CNDP1: variants seen among roughly 807,000 people sequenced by gnomAD.
The protein encoded by CNDP1 is beta-Ala-His dipeptidase.
CNDP1 carries 44 observed loss-of-function variants against 58.1 expected under a neutral mutation model. The ratio of observed to expected loss-of-function variants is 0.76; its 90% CI spans 0.60 to 0.97. The LOEUF is 0.97. CNDP1 is among the 50% of genes least tolerant of loss of function. The pLI is 0.00. For missense variants in CNDP1, 616 were observed against 655.1 expected (o/e 0.94, Z 0.65); for synonymous variants, 254 against 252.6 (o/e 1.01, Z -0.05).
rs1424605176 is a variant in CNDP1, at chr18:74,559,482, G to C, written c.303+10G>C. On this transcript the variant is annotated intron_variant, in intron 3 of 11. Coordinates refer to ENST00000358821, the MANE Select transcript of CNDP1 (RefSeq NM_032649.6). ...CATGGGTCCTCAGCAGGTGCTGTACGATTCCCTCCCACTGAGGGAGGTGCT... is the reference window on the plus strand; with the variant it reads ...CATGGGTCCTCAGCAGGTGCTGTACCATTCCCTCCCACTGAGGGAGGTGCT... The C allele has an allele frequency of 3.1e-6, 5 of 1,595,558 alleles. No individual in the cohort carries two copies. In the South Asian group the frequency reaches 3.3e-5, roughly 11 times the overall value.
intron 1 of CNDP1, among the ~76,000 whole-genome samples, chr18:74,548,073 C>T (rs1439762263): frequency 2.0e-5 from 3 of 152,198 alleles, no homozygotes; most frequent in Admixed American, 1.3e-4. Context: ...ATCCCTAACC[C>T]CAGCCCCCGC....
At chr18:74,569,055 A>G (rs1242554391) in intron 6 of CNDP1, among the ~76,000 whole-genome samples, 1 of 152,160 alleles carries the variant, frequency 6.6e-6, no homozygotes, top group Non-Finnish European at 1.5e-5. Flanking sequence ...GGGTCAAGGG[A>G]CTGACGTCTT....
At chr18:74,568,596 C>T (rs753995087) in intron 6 of CNDP1, among the ~76,000 whole-genome samples, 39 of 152,012 alleles carry the variant, frequency 2.6e-4, no homozygotes, top group African/African-American at 3.4e-4. Flanking sequence ...TGGGAGGGGG[C>T]GAGCTCCAGA....
chr18:74,556,535 C>T, intron 2 of CNDP1, 69 bp downstream of exon 2: 1 of 1,576,746 alleles, frequency 6.3e-7, no homozygotes, highest in Non-Finnish European at 8.7e-7. Flanking sequence ...TTGGGTGAGA[C>T]AATTATTTGC....
At chr18:74,536,141 T>C (rs891112733) in intron 1 of CNDP1, among the ~76,000 whole-genome samples, 7 of 152,230 alleles carry the variant, frequency 4.6e-5, no homozygotes, top group Non-Finnish European at 8.8e-5. Context: ...TCTTTTACTT[T>C]TTTTTAACTT....
rs4891564 is a variant in CNDP1 at position 74,584,850 on chromosome 18, A to C, written c.*288A>C. 350,949 of 352,898 alleles carry C rather than the reference A, an allele frequency of 0.99. 174,538 individuals carry two copies. Among genetic ancestry groups the C allele is most frequent in the East Asian group, 1 (22,352 of 22,352 alleles). The allele number at this position is 352,898 out of a possible 1,614,324, so 21.9% of individuals were successfully genotyped here. A position where few individuals can be genotyped will look rare whatever the true frequency, so the allele number is the denominator to read the frequency against. On this transcript the variant is annotated 3_prime_UTR_variant, in exon 12 of 12. Coordinates refer to ENST00000358821, the MANE Select transcript of CNDP1 (RefSeq NM_032649.6). ...AATAGCCCCAGGATTGGATTCCTTCAAACCTTTTAGCATATCTCCAACCTT... is the reference window on the plus strand; with the variant it reads ...AATAGCCCCAGGATTGGATTCCTTCCAACCTTTTAGCATATCTCCAACCTT...
chr18:74,566,998 A>G (rs1050982049), intron 5 of CNDP1, among the ~76,000 whole-genome samples: 1 of 152,224 alleles, frequency 6.6e-6, no homozygotes, highest in African/African-American at 2.4e-5. Context: ...GGTGGCAGCA[A>G]GAGAAAATGC....
At chr18:74,564,725 T>A (rs1469307176) in intron 5 of CNDP1, among the ~76,000 whole-genome samples, 19 of 152,218 alleles carry the variant, frequency 1.2e-4, no homozygotes, top group Admixed American at 1.2e-3. Context: ...CAATTCTTGA[T>A]CATAGCATTA....
chr18:74,546,382 G>A lies in CNDP1; in HGVS notation c.25-9956G>A, dbSNP rs1980760876. Among the ~76,000 whole-genome samples the A allele has an allele frequency of 2.0e-5, 3 of 152,214 alleles. No homozygotes were observed. In the South Asian group the frequency reaches 6.2e-4, roughly 31 times the overall value. On this transcript the variant is annotated intron_variant, in intron 1 of 11. Transcript: ENST00000358821. Reference sequence around the variant, plus strand: ...CTACCCACGAGGACCCCAGACACAGGTGGGAGCACCGAGGGCCCACCCTAG... The same window carrying A: ...CTACCCACGAGGACCCCAGACACAGATGGGAGCACCGAGGGCCCACCCTAG...
intron 7 of CNDP1, among the ~76,000 whole-genome samples, chr18:74,575,107 GGAAA>G (rs1179592719): frequency 2.8e-5 from 4 of 142,410 alleles, no homozygotes; most frequent in South Asian, 2.2e-4. Flanking sequence ...GAAAAAAGAA[GGAAA>G]GAAAGGAAGG....
intron 8 of CNDP1, 196 bp from the exon 9 acceptor site, chr18:74,577,967 T>A: frequency 2.0e-6 from 1 of 505,836 alleles, no homozygotes; most frequent in South Asian, 3.1e-5. Context: ...TTGGTAGTGA[T>A]GGGTAGTGAA....
intron 1 of CNDP1, among the ~76,000 whole-genome samples, chr18:74,542,639 C>T (rs1411692210): frequency 6.6e-6 from 1 of 152,222 alleles, no homozygotes. Context: ...ATCCTCCCAC[C>T]TCAAACCTCC....
rs759674243 is a variant in CNDP1 at position 74,545,377 on chromosome 18, C to T, written c.24+10686C>T. On this transcript the variant is annotated intron_variant, in intron 1 of 11. Transcript: ENST00000358821. This position sits in a 1 kb window ranked among gnomAD's most constrained non-coding sequence, Gnocchi z 4.1. ...GACCTTGGTTCACAGGCACCAAGGACGCCTAAAGCCTGGCACTTTGAAGTC... is the reference window on the plus strand; with the variant it reads ...GACCTTGGTTCACAGGCACCAAGGATGCCTAAAGCCTGGCACTTTGAAGTC... Among the ~76,000 whole-genome samples, 7 of 152,302 alleles carry T rather than the reference C, an allele frequency of 4.6e-5. No individual in the cohort carries two copies. The South Asian group carries it at 1.2e-3, about 27-fold the overall frequency.
At chr18:74,548,602 C>T (rs747097873) in intron 1 of CNDP1, among the ~76,000 whole-genome samples, 11 of 152,134 alleles carry the variant, frequency 7.2e-5, no homozygotes, top group Non-Finnish European at 1.5e-4. Flanking sequence ...AGTGGGGCAT[C>T]GCTATAAAGA....
chr18:74,562,188 T>C lies in CNDP1; in HGVS notation c.555+53T>C, dbSNP rs372449264. 9.2e-6 allele frequency: 14 copies of C among 1,528,008 alleles called. No individual in the cohort carries two copies. In the African/African-American group the frequency reaches 1.2e-4, roughly 13 times the overall value. 94.7% of individuals were successfully genotyped at this position (1,528,008 alleles called of 1,614,324 possible). ...GGAGGAGGAGGATGGTAACGACAACTTTCTTTGAGTTGTTTGCTGTGTTCT... is the reference window on the plus strand; with the variant it reads ...GGAGGAGGAGGATGGTAACGACAACCTTCTTTGAGTTGTTTGCTGTGTTCT... On this transcript the variant is annotated intron_variant, in intron 5 of 11. Coordinates refer to ENST00000358821, the MANE Select transcript of CNDP1 (RefSeq NM_032649.6).
intron 4 of CNDP1, 51 bp downstream of exon 4, chr18:74,561,069 G>C: frequency 6.3e-7 from 1 of 1,583,684 alleles, no homozygotes; most frequent in Non-Finnish European, 8.6e-7. Context: ...TTGCAAGATT[G>C]AAGGGGTGAA....
intron 1 of CNDP1, among the ~76,000 whole-genome samples, chr18:74,548,276 G>A (rs1473510364): frequency 6.6e-6 from 1 of 152,196 alleles, no homozygotes; most frequent in Non-Finnish European, 1.5e-5. Flanking sequence ...GGTCATGGGA[G>A]TGGGTCCCTC....
chr18:74,579,217 TCCCTTC>T lies in CNDP1; in HGVS notation c.1167+893_1167+898del, dbSNP rs1981722161. Among the ~76,000 whole-genome samples the T allele has an allele frequency of 3.7e-5, 5 of 136,302 alleles. No individual in the cohort carries two copies. The South Asian group carries it at 1.2e-3, about 33-fold the overall frequency. The allele number at this position is 136,302 out of a possible 152,430, so 89.4% of individuals were successfully genotyped here. A position where few individuals can be genotyped will look rare whatever the true frequency, so the allele number is the denominator to read the frequency against. ...TCCCTTCCCTTGCCTTCCCTTCCCT[TCCCTTC>T]CCTTCCCTCACCTCCCCTCTCCTTT... On this transcript the variant is annotated intron_variant, in intron 9 of 11. Coordinates refer to ENST00000358821, the MANE Select transcript of CNDP1 (RefSeq NM_032649.6).
intron 2 of CNDP1, among the ~76,000 whole-genome samples, chr18:74,558,403 T>C (rs899360416): frequency 6.9e-6 from 1 of 144,930 alleles, no homozygotes; most frequent in Non-Finnish European, 1.5e-5. Context: ...TTTTTTTTTT[T>C]TTTTTTTTTG....
Sources: gnomAD v4.1 joint callset for allele counts (sites outside exome capture counted in the v4.1 genomes callset) on GRCh38, gnomAD v4.1.1 for gene constraint, Gnocchi (gnomAD v3.1) non-coding constraint, MANE v1.5 for transcripts, NCBI Gene and HGNC (gene_info 2026-07-23, HGNC 2026-07-21) for gene names.